Variants in BRINP2 observed in about 807,000 individuals in gnomAD.
BRINP2 encodes BMP/retinoic acid-inducible neural-specific protein 2.
A neutral mutation model predicts 69.2 loss-of-function variants in BRINP2; 21 were observed. The ratio of observed to expected loss-of-function variants is 0.30; its 90% CI spans 0.22 to 0.44. BRINP2 has a LOEUF of 0.44. BRINP2 is among the 20% of genes least tolerant of loss of function. BRINP2 has a pLI of 1.00. For missense variants in BRINP2, 877 were observed against 986.0 expected (o/e 0.89, Z 1.48); for synonymous variants, 380 against 394.1 (o/e 0.96, Z 0.42).
intron 1 of BRINP2, among the ~76,000 whole-genome samples, chr1:177,189,157 A>G (rs559876580): frequency 1.2e-4 from 18 of 152,330 alleles, no homozygotes; most frequent in Non-Finnish European, 2.2e-4. Flanking sequence ...TATACATTGT[A>G]TGATCTTAAT....
At chr1:177,180,259 T>C (rs2102288245) in intron 1 of BRINP2, among the ~76,000 whole-genome samples, 1 of 152,332 alleles carries the variant, frequency 6.6e-6, no homozygotes, top group Admixed American at 6.5e-5. Flanking sequence ...CTCTTGCCCC[T>C]GCACCATGCC....
intron 4 of BRINP2, among the ~76,000 whole-genome samples, chr1:177,272,956 T>C (rs372222596): frequency 7.4e-4 from 113 of 152,364 alleles, no homozygotes; most frequent in African/African-American, 2.5e-3. Context: ...AAATATGCAG[T>C]AAGCCCATAG....
intron 1 of BRINP2, among the ~76,000 whole-genome samples, chr1:177,190,576 A>G (rs891867731): frequency 6.6e-6 from 1 of 152,162 alleles, no homozygotes; most frequent in African/African-American, 2.4e-5. Context: ...TGGTGGGAGT[A>G]AGTAAAGGGG....
chr1:177,249,963 C>T (rs1022169840), intron 2 of BRINP2, among the ~76,000 whole-genome samples: 1 of 152,218 alleles, frequency 6.6e-6, no homozygotes, highest in East Asian at 1.9e-4. Flanking sequence ...CCACTGGGAG[C>T]CCCTAGAGTC....
rs561504757 is a variant in BRINP2, at chr1:177,200,525, C to A, written c.-77+28793C>A. Among the ~76,000 whole-genome samples the A allele has an allele frequency of 1.5e-3, 225 of 152,070 alleles. 1 individual carries two copies. The highest frequency in any genetic ancestry group is 5.3e-3 in the African/African-American group (219 of 41,506). On this transcript the variant is annotated intron_variant, in intron 1 of 7. Coordinates refer to ENST00000361539, the MANE Select transcript of BRINP2 (RefSeq NM_021165.4). ...CACCACTCCAGCCTCCTGGCCATTC[C>A]TCTAACAAGTAAAGCAGGCTCCTCC...
At chr1:177,216,825 A>G (rs1275348266) in intron 1 of BRINP2, among the ~76,000 whole-genome samples, 3 of 144,256 alleles carry the variant, frequency 2.1e-5, no homozygotes, top group East Asian at 2.0e-4. Flanking sequence ...ATATCATCCA[A>G]TTCTCTCCTG....
intron 2 of BRINP2, among the ~76,000 whole-genome samples, chr1:177,235,104 T>C (rs1386127118): frequency 2.6e-5 from 4 of 152,206 alleles, no homozygotes; most frequent in Non-Finnish European, 5.9e-5. Flanking sequence ...CAAAGTGCAG[T>C]CTTTGGACCC....
At chr1:177,248,914 A>T (rs111264057) in intron 2 of BRINP2, among the ~76,000 whole-genome samples, 1 of 152,172 alleles carries the variant, frequency 6.6e-6, no homozygotes, top group African/African-American at 2.4e-5. Flanking sequence ...CCAGTCTCAA[A>T]ACCCTGCTGA....
At position 177,255,835 on chromosome 1, in the gene BRINP2, G is replaced by T. The variant is rs1650738123; in HGVS notation, c.270-84G>T. On this transcript the variant is annotated intron_variant, in intron 2 of 7. Transcript: ENST00000361539. ...GAGGAGATGAGTGGCTGCAAGTGGA[G>T]GAAGAACATTACCTACTTCAGATTT... is the stretch of plus-strand genomic sequence containing the variant. 8.7e-6 allele frequency: 12 copies of T among 1,384,900 alleles called. No individual in the cohort carries two copies. In the East Asian group the frequency reaches 2.5e-4, roughly 29 times the overall value. The allele number at this position is 1,384,900 out of a possible 1,614,324, so 85.8% of individuals were successfully genotyped here.
At chr1:177,248,069 G>A (rs989614198) in intron 2 of BRINP2, among the ~76,000 whole-genome samples, 3 of 152,118 alleles carry the variant, frequency 2.0e-5, no homozygotes, top group African/African-American at 7.2e-5. Context: ...CCCCGCAGAG[G>A]TAGAAAGATG....
intron 4 of BRINP2, among the ~76,000 whole-genome samples, chr1:177,270,132 C>T (rs1237005146): frequency 6.6e-6 from 1 of 151,426 alleles, no homozygotes; most frequent in Non-Finnish European, 1.5e-5. Context: ...AGTACTCAGG[C>T]AATAACTGCA....
intron 1 of BRINP2, among the ~76,000 whole-genome samples, chr1:177,227,990 C>T (rs1032466616): frequency 3.3e-5 from 5 of 152,108 alleles, no homozygotes; most frequent in African/African-American, 9.7e-5. Flanking sequence ...TCTGTCTTAC[C>T]GCCTGCTCTA....
At chr1:177,230,468 G>A (rs535462884) in intron 2 of BRINP2, among the ~76,000 whole-genome samples, 10 of 152,196 alleles carry the variant, frequency 6.6e-5, no homozygotes, top group South Asian at 2.1e-4. Flanking sequence ...CCAGGCTGCC[G>A]TAGGAGGTCA....
chr1:177,197,298 A>G lies in BRINP2; in HGVS notation c.-77+25566A>G, dbSNP rs372218409. Among the ~76,000 whole-genome samples the G allele has an allele frequency of 1.1e-4, 17 of 152,190 alleles. No homozygotes were observed. The East Asian group carries it at 2.7e-3, about 24-fold the overall frequency. ...AGGTGCTACACACTTTTAAACAACC[A>G]AATCTTGCAAGAACTCACTCACTAT... On this transcript the variant is annotated intron_variant, in intron 1 of 7. Coordinates refer to ENST00000361539, the MANE Select transcript of BRINP2 (RefSeq NM_021165.4).
intron 4 of BRINP2, among the ~76,000 whole-genome samples, chr1:177,267,494 C>T (rs1241616126): frequency 4.6e-5 from 7 of 152,192 alleles, no homozygotes; most frequent in Admixed American, 4.6e-4. Flanking sequence ...GTCAATGCCA[C>T]CATGGCAGAG....
chr1:177,248,547 G>A (rs536282911), intron 2 of BRINP2, among the ~76,000 whole-genome samples: 3 of 151,750 alleles, frequency 2.0e-5, no homozygotes, highest in South Asian at 4.2e-4. Context: ...AGGCTGCATA[G>A]GGAGGGAGGC....
intron 4 of BRINP2, among the ~76,000 whole-genome samples, chr1:177,269,801 A>G (rs1651247118): frequency 6.6e-6 from 1 of 152,238 alleles, no homozygotes; most frequent in Non-Finnish European, 1.5e-5. Context: ...ATTTATGGAA[A>G]ATTGGAAGTG....
chr1:177,280,097 A>G (rs535956626), intron 7 of BRINP2, among the ~76,000 whole-genome samples: 105 of 152,210 alleles, frequency 6.9e-4, no homozygotes, highest in Non-Finnish European at 1.1e-3. Flanking sequence ...CAGATTTGAC[A>G]CAAAAGATGC....
chr1:177,175,212 T>C (rs1648052219), intron 1 of BRINP2, among the ~76,000 whole-genome samples: 1 of 152,184 alleles, frequency 6.6e-6, no homozygotes, highest in Non-Finnish European at 1.5e-5. Context: ...ACATAACCTC[T>C]TGTCTCCCCT....
Sources: allele counts gnomAD v4.1 joint callset (sites outside exome capture counted in the v4.1 genomes callset), GRCh38; gene constraint gnomAD v4.1.1; transcripts MANE v1.5; gene names NCBI Gene and HGNC (gene_info 2026-07-23, HGNC 2026-07-21).